The following PTPRD variants were observed in gnomAD, a reference collection of about 807,000 sequenced individuals.
PTPRD encodes protein tyrosine phosphatase receptor type D.
PTPRD carries 34 observed loss-of-function variants against 214.5 expected under a neutral mutation model. That is an observed-to-expected ratio of 0.16 (90% confidence interval 0.12 to 0.21). The LOEUF is 0.21. PTPRD is among the 10% of genes least tolerant of loss of function. PTPRD has a pLI of 1.00. For synonymous variants in PTPRD, 1,128 were observed against 845.7 expected (o/e 1.33, Z -5.79); for missense variants, 2,545 against 2,398.7 (o/e 1.06, Z -1.27).
intron 27 of PTPRD, among the ~76,000 whole-genome samples, chr9:8,491,145 T>C (rs1364733292): frequency 6.6e-6 from 1 of 152,122 alleles, no homozygotes; most frequent in Non-Finnish European, 1.5e-5. Context: ...AGTGGGGAGG[T>C]CTTACAAAAG....
intron 30 of PTPRD, among the ~76,000 whole-genome samples, chr9:8,475,658 A>T (rs952274339): frequency 3.9e-5 from 6 of 152,326 alleles, no homozygotes; most frequent in African/African-American, 1.4e-4. Context: ...AACCCTCCCT[A>T]ACATTGCACT....
At position 10,179,415 on chromosome 9, in the gene PTPRD, A is replaced by G. The variant is rs183956201; in HGVS notation, c.-544-145625T>C. On this transcript the variant is annotated intron_variant, in intron 3 of 45. Transcript: ENST00000381196. ...TAAGATATGGAAACAAGGTGAATAA[A>G]GAAGTTAGTAAATTTACTTTTGTCT... Among the ~76,000 whole-genome samples the G allele has an allele frequency of 1.7e-3, 255 of 152,194 alleles. 1 individual carries two copies. The highest frequency in any genetic ancestry group is 5.9e-3 in the African/African-American group (246 of 41,574).
At chr9:10,158,072 G>C (rs1399327458) in intron 3 of PTPRD, among the ~76,000 whole-genome samples, 3 of 151,964 alleles carry the variant, frequency 2.0e-5, no homozygotes, top group African/African-American at 2.4e-5. Flanking sequence ...GCAATGGCGC[G>C]ATAACAGCTC....
intron 37 of PTPRD, among the ~76,000 whole-genome samples, chr9:8,385,422 C>G (rs1303106955): frequency 2.0e-5 from 3 of 152,118 alleles, no homozygotes; most frequent in Non-Finnish European, 2.9e-5. Flanking sequence ...GCTGTTCAGG[C>G]AGGATTGCTT....
intron 3 of PTPRD, among the ~76,000 whole-genome samples, chr9:10,241,032 C>CA (rs1485253415): frequency 2.7e-5 from 4 of 147,282 alleles, no homozygotes; most frequent in Non-Finnish European, 6.0e-5. Flanking sequence ...AAAAAAATGA[C>CA]AAAAGATTTG....
chr9:8,623,806 C>T (rs559514975), intron 14 of PTPRD, among the ~76,000 whole-genome samples: 2 of 151,878 alleles, frequency 1.3e-5, no homozygotes, highest in South Asian at 2.1e-4. Flanking sequence ...GATTTGAACT[C>T]GGGTCTGTCT....
At chr9:9,503,808 T>C (rs185183756) in intron 8 of PTPRD, among the ~76,000 whole-genome samples, 1 of 151,798 alleles carries the variant, frequency 6.6e-6, no homozygotes, top group East Asian at 1.9e-4. Context: ...TTCTTGGGCA[T>C]GTATGCCTAT....
chr9:9,790,802 G>T (rs773958122), intron 5 of PTPRD, among the ~76,000 whole-genome samples: 46 of 152,060 alleles, frequency 3.0e-4, no homozygotes, highest in African/African-American at 7.0e-4. Context: ...TTCAGTAGTT[G>T]CCTAGAATGG....
chr9:10,610,052 T>A lies in PTPRD; in HGVS notation c.-600+2346A>T, dbSNP rs557407622. Among the ~76,000 whole-genome samples, 8 of 152,270 alleles carry A rather than the reference T, an allele frequency of 5.3e-5. No individual in the cohort carries two copies. The East Asian group carries it at 1.5e-3, about 29-fold the overall frequency. Reference sequence around the variant, plus strand: ...TATTTCATCGGGCCATTATCTGATCTGAATAACAAGAACAATTGCATAATA... The same window carrying A: ...TATTTCATCGGGCCATTATCTGATCAGAATAACAAGAACAATTGCATAATA... On this transcript the variant is annotated intron_variant, in intron 2 of 45. Coordinates refer to ENST00000381196, the MANE Select transcript of PTPRD (RefSeq NM_002839.4).
intron 14 of PTPRD, among the ~76,000 whole-genome samples, chr9:8,583,399 G>C (rs1055779526): frequency 8.5e-5 from 13 of 152,112 alleles, no homozygotes; most frequent in African/African-American, 3.1e-4. Context: ...TTGCCAGGCT[G>C]GACTTGAACT....
chr9:9,717,193 C>G (rs922261464), intron 7 of PTPRD, among the ~76,000 whole-genome samples: 2 of 152,098 alleles, frequency 1.3e-5, no homozygotes, highest in African/African-American at 4.8e-5. Context: ...GGGCTCTGTT[C>G]TGTTCCATTG....
chr9:10,202,670 G>GTATATATATATATATA (rs2099431292), intron 3 of PTPRD, among the ~76,000 whole-genome samples: 1 of 40,132 alleles, frequency 2.5e-5, no homozygotes, highest in Admixed American at 2.2e-4. Context: ...AAAATTATAT[G>GTATATATATATATATA]GATATATATA....
At chr9:9,294,292 A>G (rs570810427) in intron 9 of PTPRD, among the ~76,000 whole-genome samples, 1 of 151,872 alleles carries the variant, frequency 6.6e-6, no homozygotes, top group Non-Finnish European at 1.5e-5. Context: ...AGGCTAAATG[A>G]GGAGTACTGT....
intron 3 of PTPRD, among the ~76,000 whole-genome samples, chr9:10,098,540 C>A (rs1641565240): frequency 6.6e-6 from 1 of 151,726 alleles, no homozygotes; most frequent in Admixed American, 6.6e-5. Flanking sequence ...CTACTTCTTT[C>A]CTACTTGAGC....
chr9:8,710,538 C>A (rs1278176615), intron 12 of PTPRD, among the ~76,000 whole-genome samples: 1 of 152,094 alleles, frequency 6.6e-6, no homozygotes, highest in Non-Finnish European at 1.5e-5. Context: ...ATCACCTGAG[C>A]CCAACAGGTC....
At chr9:8,514,655 T>C (rs1177740601) in intron 21 of PTPRD, among the ~76,000 whole-genome samples, 5 of 152,108 alleles carry the variant, frequency 3.3e-5, no homozygotes, top group Admixed American at 6.6e-5. Context: ...AATGAAACAA[T>C]TGCGTTTTTC....
rs1591461343 is a variant in PTPRD, at chr9:9,091,305, T to A, written c.-142-72570A>T. On this transcript the variant is annotated intron_variant, in intron 10 of 45. Coordinates refer to ENST00000381196, the MANE Select transcript of PTPRD (RefSeq NM_002839.4). ...TCTCTGGAGAAAAATAAAATGGAAA[T>A]TGTACTTTAAAAAAAAAATTTCTTT... 26 of 1,065,644 alleles carry A rather than the reference T, an allele frequency of 2.4e-5. No individual in the cohort carries two copies. The East Asian group carries it at 6.2e-4, about 25-fold the overall frequency. 66.0% of individuals were successfully genotyped at this position (1,065,644 alleles called of 1,614,324 possible).
At chr9:8,491,966 C>T (rs764255048) in intron 27 of PTPRD, among the ~76,000 whole-genome samples, 1 of 152,088 alleles carries the variant, frequency 6.6e-6, no homozygotes, top group Non-Finnish European at 1.5e-5. Context: ...GAGGAGAATC[C>T]TTCTGCAATT....
chr9:10,501,599 A>C (rs1589549328), intron 2 of PTPRD, among the ~76,000 whole-genome samples: 1 of 152,132 alleles, frequency 6.6e-6, no homozygotes, highest in East Asian at 1.9e-4. Flanking sequence ...ACAGTACTAA[A>C]AGTTACATAA....
Sources: allele counts gnomAD v4.1 joint callset (sites outside exome capture counted in the v4.1 genomes callset), GRCh38; gene constraint gnomAD v4.1.1; transcripts MANE v1.5; gene names NCBI Gene and HGNC (gene_info 2026-07-23, HGNC 2026-07-21).